The following THSD7B variants were observed in gnomAD, a reference collection of about 807,000 sequenced individuals.
THSD7B encodes thrombospondin type 1 domain containing 7B, also known as thrombospondin type-1 domain-containing protein 7B.
A neutral mutation model predicts 213.6 loss-of-function variants in THSD7B; 138 were observed. The ratio of observed to expected loss-of-function variants is 0.65; its 90% confidence interval spans 0.56 to 0.74. The LOEUF is 0.74. THSD7B is among the 30% of genes least tolerant of loss of function. The probability of loss-of-function intolerance (pLI) is 0.00; values close to 1 mark genes in which losing one functional copy is unlikely to be tolerated. For missense variants in THSD7B, 1,931 were observed against 1,991.5 expected, an observed-to-expected ratio of 0.97 and a Z score of 0.58; for synonymous variants, 742 against 687.0, an observed-to-expected ratio of 1.08 and a Z score of -1.25.
At chr2:137,458,075 A>G (rs552060054) in intron 15 of THSD7B, among the ~76,000 whole-genome samples, 2 of 152,316 alleles carry the variant, frequency 1.3e-5, no homozygotes, top group South Asian at 2.1e-4. Context: ...GAAGAACCAA[A>G]TCAGGACTGT....
chr2:137,656,990 T>A, intron 23 of THSD7B, 21 bp downstream of exon 23: 1 of 1,613,434 alleles, frequency 6.2e-7, no homozygotes, highest in South Asian at 1.1e-5. Context: ...CACTTTTCAG[T>A]TCTTTAGCCT....
chr2:136,839,359 C>T (rs189998521), intron 1 of THSD7B, among the ~76,000 whole-genome samples: 5 of 152,304 alleles, frequency 3.3e-5, no homozygotes, highest in Admixed American at 2.6e-4. Flanking sequence ...CTGGTAGGAA[C>T]TTCTTATCCT....
chr2:137,558,727 G>A (rs893365320), intron 15 of THSD7B, among the ~76,000 whole-genome samples: 9 of 152,160 alleles, frequency 5.9e-5, no homozygotes, highest in African/African-American at 2.4e-5. Context: ...AATCAGGCAG[G>A]AGAAAGAAAT....
chr2:136,819,158 C>CA (rs1198890036), intron 1 of THSD7B, among the ~76,000 whole-genome samples: 3 of 151,904 alleles, frequency 2.0e-5, no homozygotes, highest in Admixed American at 2.0e-4. Context: ...ATATAATAGG[C>CA]AAAAAAACAA....
chr2:137,582,560 A>G (rs1681605532), intron 17 of THSD7B, among the ~76,000 whole-genome samples: 1 of 137,718 alleles, frequency 7.3e-6, no homozygotes, highest in Non-Finnish European at 1.5e-5. Flanking sequence ...TCATTGTTCA[A>G]TTCCCACCTA....
chr2:136,772,470 A>G (rs1304781232), intron 1 of THSD7B, among the ~76,000 whole-genome samples: 1 of 152,172 alleles, frequency 6.6e-6, no homozygotes, highest in African/African-American at 2.4e-5. Flanking sequence ...CTTCCTGAGG[A>G]ACCATTGGAA....
At chr2:137,291,109 G>T (rs1683326957) in intron 12 of THSD7B, among the ~76,000 whole-genome samples, 2 of 152,026 alleles carry the variant, frequency 1.3e-5, no homozygotes. Context: ...TAATCCACTA[G>T]CCATTGACCA....
At chr2:137,633,052 T>C (rs139836805) in intron 20 of THSD7B, among the ~76,000 whole-genome samples, 181 of 152,300 alleles carry the variant, frequency 1.2e-3, no homozygotes, top group African/African-American at 4.1e-3. Flanking sequence ...GAGCTGTCTT[T>C]AGTTTGCAGA....
intron 12 of THSD7B, among the ~76,000 whole-genome samples, chr2:137,284,750 C>T (rs905774395): frequency 6.6e-6 from 1 of 152,120 alleles, no homozygotes; most frequent in Admixed American, 6.5e-5. Flanking sequence ...TTTGATTGCA[C>T]TGTGGTCTGA....
intron 7 of THSD7B, among the ~76,000 whole-genome samples, chr2:137,199,287 T>G (rs1404285076): frequency 1.3e-5 from 2 of 152,180 alleles, no homozygotes; most frequent in East Asian, 1.9e-4. Context: ...TAGTCTTTTC[T>G]CACTCTAAAA....
intron 10 of THSD7B, among the ~76,000 whole-genome samples, chr2:137,264,912 G>A (rs1030137193): frequency 9.9e-5 from 15 of 151,506 alleles, no homozygotes; most frequent in African/African-American, 3.6e-4. Flanking sequence ...GTGCCATGCT[G>A]GTGCGCTGCA....
chr2:137,288,480 CTT>C (rs1683237425), intron 12 of THSD7B, among the ~76,000 whole-genome samples: 1 of 151,902 alleles, frequency 6.6e-6, no homozygotes, highest in Admixed American at 6.6e-5. Context: ...TTTTTGAAGA[CTT>C]TGTAATTATG....
In THSD7B at chr2:137,462,515, G is replaced by C. The variant is rs563886434; in HGVS notation, c.3138+11492G>C. Among the ~76,000 whole-genome samples, 98 of 152,066 alleles carry C rather than the reference G, an allele frequency of 6.4e-4. 1 individual carries two copies. Among genetic ancestry groups the C allele is most frequent in the African/African-American group, 2.3e-3 (95 of 41,486 alleles). On this transcript the variant is annotated intron_variant, in intron 15 of 27. Coordinates refer to ENST00000409968, the MANE Select transcript of THSD7B (RefSeq NM_001316349.2). ...TTTCTATAAGCCAATACGAATTCAT[G>C]ACGAACAACTTTTGTAATTGCTCCC...
chr2:136,793,388 A>C (rs1682001358), intron 1 of THSD7B, among the ~76,000 whole-genome samples: 1 of 152,082 alleles, frequency 6.6e-6, no homozygotes, highest in African/African-American at 2.4e-5. Context: ...CCTGTTGTAA[A>C]GTCTTTATTC....
chr2:137,670,799 T>C (rs936103142), intron 27 of THSD7B, among the ~76,000 whole-genome samples: 2 of 151,866 alleles, frequency 1.3e-5, no homozygotes, highest in Non-Finnish European at 2.9e-5. Context: ...CGGGCGCCTG[T>C]AGTCCCAGCT....
intron 17 of THSD7B, among the ~76,000 whole-genome samples, chr2:137,614,507 G>C (rs1682346894): frequency 2.6e-5 from 4 of 152,032 alleles, no homozygotes; most frequent in Admixed American, 2.6e-4. Context: ...GCACTAATCA[G>C]GAGTATCTAC....
intron 14 of THSD7B, among the ~76,000 whole-genome samples, chr2:137,432,697 G>A (rs778826321): frequency 6.6e-6 from 1 of 152,106 alleles, no homozygotes; most frequent in Non-Finnish European, 1.5e-5. Flanking sequence ...TGTTCCCCAC[G>A]TGTCTTCTGT....
intron 12 of THSD7B, among the ~76,000 whole-genome samples, chr2:137,353,322 A>G (rs1187436625): frequency 1.3e-5 from 2 of 152,100 alleles, no homozygotes; most frequent in South Asian, 2.1e-4. Flanking sequence ...TTATTAGCTC[A>G]TTCCTGGTGC....
chr2:137,196,083 G>A (rs1319497232), intron 7 of THSD7B, among the ~76,000 whole-genome samples: 3 of 152,194 alleles, frequency 2.0e-5, no homozygotes, highest in African/African-American at 7.2e-5. Context: ...ACAACAGGGT[G>A]AAAAAGTGTG....
Sources: allele counts gnomAD v4.1 joint callset (sites outside exome capture counted in the v4.1 genomes callset), GRCh38; gene constraint gnomAD v4.1.1; transcripts MANE v1.5; gene names NCBI Gene and HGNC (gene_info 2026-07-23, HGNC 2026-07-21).